RAP1GAP2: variants seen among roughly 807,000 people sequenced by gnomAD.
The protein encoded by RAP1GAP2 is rap1 GTPase-activating protein 2.
A neutral mutation model predicts 95.0 loss-of-function variants in RAP1GAP2; 27 were observed. That is an observed-to-expected ratio of 0.28 (90% CI 0.21 to 0.39). The LOEUF (loss-of-function observed/expected upper bound fraction) is 0.39, where lower values mean the gene tolerates loss of function less well. Ranked by LOEUF, RAP1GAP2 falls within the 10% of genes least tolerant of loss-of-function variation. The pLI, the probability that RAP1GAP2 is intolerant of heterozygous loss-of-function variation, is 1.00. For missense variants in RAP1GAP2, 771 were observed against 970.0 expected (o/e 0.79, Z 2.72); for synonymous variants, 373 against 380.9 (o/e 0.98, Z 0.24).
At chr17:2,811,338 G>C (rs2069763028) in intron 2 of RAP1GAP2, among the ~76,000 whole-genome samples, 1 of 152,194 alleles carries the variant, frequency 6.6e-6, no homozygotes, top group Non-Finnish European at 1.5e-5. Context: ...CAGGGGTGCT[G>C]CTAACTTGCG....
chr17:2,888,901 G>A (rs2073594662), intron 2 of RAP1GAP2, among the ~76,000 whole-genome samples: 1 of 151,128 alleles, frequency 6.6e-6, no homozygotes, highest in African/African-American at 2.4e-5. Context: ...GAGCTCAGGC[G>A]ATCTGCCCGC....
At chr17:2,862,818 C>T (rs998268220) in intron 2 of RAP1GAP2, among the ~76,000 whole-genome samples, 22 of 151,878 alleles carry the variant, frequency 1.4e-4, no homozygotes, top group Admixed American at 1.4e-3. Context: ...GCCAACGTGG[C>T]GAAACCCCGT....
intron 2 of RAP1GAP2, chr17:2,853,903 G>C (rs1031292956): frequency 1.0e-6 from 1 of 978,820 alleles, no homozygotes; most frequent in Non-Finnish European, 1.2e-6. Context: ...GCCGGGGGCC[G>C]GGGCGCGGGC....
chr17:2,900,153 G>C (rs907461327), intron 2 of RAP1GAP2, among the ~76,000 whole-genome samples: 2 of 152,162 alleles, frequency 1.3e-5, no homozygotes, highest in East Asian at 3.9e-4. Context: ...TGTGGAGGGG[G>C]CCTTACACCT....
chr17:2,874,647 G>A (rs1406737290), intron 2 of RAP1GAP2, among the ~76,000 whole-genome samples: 4 of 152,204 alleles, frequency 2.6e-5, no homozygotes, highest in African/African-American at 7.2e-5. Context: ...CCTGGGGCTG[G>A]ATTCTGGAGG....
At chr17:2,859,706 G>A (rs181551023) in intron 2 of RAP1GAP2, among the ~76,000 whole-genome samples, 1 of 152,286 alleles carries the variant, frequency 6.6e-6, no homozygotes, top group East Asian at 1.9e-4. Flanking sequence ...AATGTGTTGG[G>A]ATTATAGGTG....
chr17:3,031,760 C>T (rs556039073), intron 23 of RAP1GAP2, among the ~76,000 whole-genome samples: 19 of 137,566 alleles, frequency 1.4e-4, no homozygotes, highest in East Asian at 1.3e-3. Context: ...CCTGAGCTCA[C>T]CAGACTATCG....
intron 3 of RAP1GAP2, among the ~76,000 whole-genome samples, chr17:2,907,415 T>G (rs1443932220): frequency 6.6e-6 from 1 of 152,188 alleles, no homozygotes; most frequent in Non-Finnish European, 1.5e-5. Context: ...AACCAGACAT[T>G]GTGGTCCCTG....
At chr17:3,017,947 G>GTA (rs1491471212) in intron 17 of RAP1GAP2, 114 bp from the exon 18 acceptor site, 17 of 906,836 alleles carry the variant, frequency 1.9e-5, no homozygotes, top group East Asian at 2.8e-5. Context: ...GTGTGTGTGT[G>GTA]TATGTGTGCA....
At chr17:2,893,167 A>G (rs8065400) in intron 2 of RAP1GAP2, among the ~76,000 whole-genome samples, 25,845 of 151,922 alleles carry the variant, frequency 0.17, 2,327 homozygotes, top group Non-Finnish European at 0.2. Flanking sequence ...AGCTGGGATT[A>G]CAGGCACCCG....
intron 2 of RAP1GAP2, among the ~76,000 whole-genome samples, chr17:2,806,063 G>T (rs1242640309): frequency 6.6e-6 from 1 of 152,210 alleles, no homozygotes; most frequent in Non-Finnish European, 1.5e-5. Context: ...GCTGTGCTCT[G>T]TGATTTCTTC....
At chr17:3,021,347 T>C (rs1597893963) in intron 19 of RAP1GAP2, among the ~76,000 whole-genome samples, 3 of 129,546 alleles carry the variant, frequency 2.3e-5, no homozygotes, top group Admixed American at 8.4e-5. Flanking sequence ...CTTCCCAGCC[T>C]CTGGTGACAC....
intron 3 of RAP1GAP2, among the ~76,000 whole-genome samples, chr17:2,929,380 C>A (rs1321331747): frequency 6.6e-6 from 1 of 152,036 alleles, no homozygotes; most frequent in Non-Finnish European, 1.5e-5. Context: ...TCTGGCAATC[C>A]CCTGGCCCCG....
At chr17:2,899,227 C>T (rs949926051) in intron 2 of RAP1GAP2, among the ~76,000 whole-genome samples, 2 of 152,086 alleles carry the variant, frequency 1.3e-5, no homozygotes, top group African/African-American at 2.4e-5. Context: ...TATTTTGAGA[C>T]GGAGTCTCAC....
rs549619453 is a variant in RAP1GAP2, at chr17:3,005,075, C to T, written c.1201-294C>T. Among the ~76,000 whole-genome samples the T allele has an allele frequency of 6.6e-5, 10 of 152,222 alleles. No individual in the cohort carries two copies. In the South Asian group the frequency reaches 1.0e-3, roughly 16 times the overall value. ...AATGAGGTCACGAGATGCCATCTCC[C>T]GGGCACTTGTATGGCATTAAAATTA... On this transcript the variant is annotated intron_variant, in intron 14 of 24. Coordinates refer to ENST00000254695, the MANE Select transcript of RAP1GAP2 (RefSeq NM_015085.5). The surrounding 1 kb of genome is among the most constrained non-coding windows in gnomAD (Gnocchi z 5.2).
upstream of RAP1GAP2, among the ~76,000 whole-genome samples, chr17:2,793,733 G>A (rs76748704): frequency 9.9e-3 from 1,515 of 152,310 alleles, 26 homozygotes; most frequent in African/African-American, 0.034. Flanking sequence ...TATTCGTACG[G>A]CTGGCTCTCC....
At position 3,029,765 on chromosome 17, in the gene RAP1GAP2, A is replaced by G. The variant is rs1337216508; in HGVS notation, c.2108-1157A>G. Among the ~76,000 whole-genome samples the G allele has an allele frequency of 1.3e-5, 2 of 152,116 alleles. No individual in the cohort carries two copies. Among genetic ancestry groups the G allele is most frequent in the Admixed American group, 1.3e-4 (2 of 15,258 alleles). ...CAAGTGGCCCTCCTGCCAGCGGGGC[A>G]CAGCGGGAAATGTTGACACCGGGCT... On this transcript the variant is annotated intron_variant, in intron 22 of 24. Coordinates refer to ENST00000254695, the MANE Select transcript of RAP1GAP2 (RefSeq NM_015085.5). This position sits in a 1 kb window ranked among gnomAD's most constrained non-coding sequence, Gnocchi z 4.4.
At position 2,871,639 on chromosome 17, in the gene RAP1GAP2, G is replaced by A. The variant is rs1215372105; in HGVS notation, c.81-33645G>A. Among the ~76,000 whole-genome samples, 2 of 152,122 alleles carry A rather than the reference G, an allele frequency of 1.3e-5. No homozygotes were observed. Among genetic ancestry groups the A allele is most frequent in the Non-Finnish European group, 2.9e-5 (2 of 68,020 alleles). On this transcript the variant is annotated intron_variant, in intron 2 of 24. Coordinates refer to ENST00000254695, the MANE Select transcript of RAP1GAP2 (RefSeq NM_015085.5). The surrounding 1 kb of genome is among the most constrained non-coding windows in gnomAD (Gnocchi z 5.0). ...GCACGGCGTGTTGGGTGAGCACGTGGACCCTCACCTTCATGCTGATTTCAT... is the reference window on the plus strand; with the variant it reads ...GCACGGCGTGTTGGGTGAGCACGTGAACCCTCACCTTCATGCTGATTTCAT...
intron 2 of RAP1GAP2, among the ~76,000 whole-genome samples, chr17:2,898,152 ATCC>A (rs1174652129): frequency 6.6e-6 from 1 of 152,086 alleles, no homozygotes; most frequent in Non-Finnish European, 1.5e-5. Flanking sequence ...GGCTCAAGCC[ATCC>A]TCCTACCTCA....
Sources: allele counts gnomAD v4.1 joint callset (sites outside exome capture counted in the v4.1 genomes callset), GRCh38; gene constraint gnomAD v4.1.1; non-coding constraint Gnocchi (gnomAD v3.1); transcripts MANE v1.5; gene names NCBI Gene and HGNC (gene_info 2026-07-23, HGNC 2026-07-21).